The following CDH4 variants were observed in gnomAD, a reference collection of about 807,000 sequenced individuals.
CDH4 encodes cadherin-4.
In CDH4, 33 loss-of-function variants were observed where a neutral mutation model predicts 86.0. That is an observed-to-expected ratio of 0.38 (90% CI 0.29 to 0.51). CDH4 has a LOEUF of 0.51. Ranked by LOEUF, CDH4 falls within the 20% of genes least tolerant of loss-of-function variation. The pLI is 0.86. For missense variants in CDH4, 1,114 were observed against 1,307.4 expected, an observed-to-expected ratio of 0.85 and a Z score of 2.28; for synonymous variants, 555 against 549.4, an observed-to-expected ratio of 1.01 and a Z score of -0.14.
At chr20:61,870,613 A>T (rs1043997498) in intron 6 of CDH4, among the ~76,000 whole-genome samples, 19 of 152,178 alleles carry the variant, frequency 1.2e-4, no homozygotes, top group Non-Finnish European at 4.4e-5. Context: ...CAGGTTTCAC[A>T]GACGAAAATG....
intron 7 of CDH4, among the ~76,000 whole-genome samples, chr20:61,889,262 C>G (rs1428182730): frequency 6.6e-6 from 1 of 152,130 alleles, no homozygotes; most frequent in Non-Finnish European, 1.5e-5. Flanking sequence ...TGGTTGTAAT[C>G]CACCTGACAT....
intron 2 of CDH4, among the ~76,000 whole-genome samples, chr20:61,562,872 C>G (rs1313380115): frequency 6.6e-6 from 1 of 152,190 alleles, no homozygotes; most frequent in Non-Finnish European, 1.5e-5. Context: ...CTGTCCTGTC[C>G]GGGACCCCAG....
intron 2 of CDH4, among the ~76,000 whole-genome samples, chr20:61,685,541 G>A (rs1468973239): frequency 6.6e-6 from 1 of 152,216 alleles, no homozygotes; most frequent in African/African-American, 2.4e-5. Context: ...CCGCTCCTCG[G>A]CCCCACCACC....
intron 2 of CDH4, among the ~76,000 whole-genome samples, chr20:61,611,891 A>G (rs2086688166): frequency 6.6e-6 from 1 of 152,040 alleles, no homozygotes; most frequent in Non-Finnish European, 1.5e-5. Context: ...TCCTGCAGAG[A>G]GACTTGTGAC....
intron 2 of CDH4, among the ~76,000 whole-genome samples, chr20:61,350,805 G>T (rs1216204996): frequency 6.6e-6 from 1 of 152,250 alleles, no homozygotes; most frequent in Non-Finnish European, 1.5e-5. Context: ...GAAAGATGAT[G>T]CTGTGTTGGA....
intron 2 of CDH4, among the ~76,000 whole-genome samples, chr20:61,351,476 G>C (rs1028702341): frequency 6.6e-6 from 1 of 152,138 alleles, no homozygotes; most frequent in Non-Finnish European, 1.5e-5. Context: ...AGGGACAGCT[G>C]TATACTTTGG....
rs369552611 is a variant in CDH4, at chr20:61,932,848, G to A, written c.2240-137G>A. On this transcript the variant is annotated intron_variant, in intron 13 of 15. Coordinates refer to ENST00000614565, the MANE Select transcript of CDH4 (RefSeq NM_001794.5). ...AGAGACATGCGCGTGTGCAGTACAGGTGTGCATGCACACATGGGCACAGTC... is the reference window on the plus strand; with the variant it reads ...AGAGACATGCGCGTGTGCAGTACAGATGTGCATGCACACATGGGCACAGTC... The A allele has an allele frequency of 1.9e-4, 219 of 1,129,512 alleles. No homozygotes were observed. In the East Asian group the frequency reaches 5.0e-3, roughly 26 times the overall value. The allele number at this position is 1,129,512 out of a possible 1,614,324, so 70.0% of individuals were successfully genotyped here.
chr20:61,547,325 G>A lies in CDH4; in HGVS notation c.170-196238G>A, dbSNP rs560959856. ...CCTCCCGGGTTCACACCATTCTCCT[G>A]CCTCAGCCTCCCGAGTAGCTGGGAC... is the stretch of plus-strand genomic sequence containing the variant. On this transcript the variant is annotated intron_variant, in intron 2 of 15. Coordinates refer to ENST00000614565, the MANE Select transcript of CDH4 (RefSeq NM_001794.5). Among the ~76,000 whole-genome samples, 105 of 147,478 alleles carry A rather than the reference G, an allele frequency of 7.1e-4. 2 individuals carry two copies. The highest frequency in any genetic ancestry group is 1.2e-3 in the Non-Finnish European group (79 of 67,410).
intron 2 of CDH4, among the ~76,000 whole-genome samples, chr20:61,561,135 A>T (rs1013176740): frequency 6.6e-6 from 1 of 152,108 alleles, no homozygotes; most frequent in African/African-American, 2.4e-5. Flanking sequence ...ACCACCCCCA[A>T]GACCTGGGTG....
intron 2 of CDH4, among the ~76,000 whole-genome samples, chr20:61,590,312 G>A (rs897616910): frequency 1.3e-5 from 2 of 152,120 alleles, no homozygotes; most frequent in African/African-American, 4.8e-5. Flanking sequence ...TCTGATGGGA[G>A]ATTTAAATAT....
Position 61,779,433 on chromosome 20 carries a change from G to T in CDH4, c.576+6251G>T, listed in dbSNP as rs569636740. Among the ~76,000 whole-genome samples, 6 of 152,316 alleles carry T rather than the reference G, an allele frequency of 3.9e-5. No homozygotes were observed. The South Asian group carries it at 1.2e-3, about 32-fold the overall frequency. On this transcript the variant is annotated intron_variant, in intron 4 of 15. Transcript: ENST00000614565. ...GTCGCGGAGCCTGCGAGGTGCTTAG[G>T]TCGCTCGGAGGAGACACACAGGAGC...
intron 2 of CDH4, among the ~76,000 whole-genome samples, chr20:61,603,920 G>A (rs1373294247): frequency 6.6e-6 from 1 of 152,170 alleles, no homozygotes; most frequent in African/African-American, 2.4e-5. Context: ...ATGTGGGTAT[G>A]CAGTACACAC....
intron 2 of CDH4, chr20:61,599,696 G>A (rs2086583089): frequency 2.0e-6 from 1 of 496,918 alleles, no homozygotes; most frequent in Admixed American, 6.4e-5. Context: ...CGTGGTCTCT[G>A]CGTCTGGGCT....
rs3048343 is a variant in CDH4, at chr20:61,252,442, T to TCGG, written c.-49_-47dup. 133 of 646,522 alleles carry TCGG rather than the reference T, an allele frequency of 2.1e-4. No homozygotes were observed. Among genetic ancestry groups the TCGG allele is most frequent in the South Asian group, 8.1e-4 (12 of 14,800 alleles). The allele number at this position is 646,522 out of a possible 1,614,324, so 40.0% of individuals were successfully genotyped here. ...GGCGATCGGAGCGGCGGCGGTGGTC[T>TCGG]CGGCGGCGGCGGCGGCGGCGGCGGC... On this transcript the variant is annotated 5_prime_UTR_variant, in exon 1 of 16. Transcript: ENST00000614565. The surrounding 1 kb of genome is among the most constrained non-coding windows in gnomAD (Gnocchi z 4.4).
intron 2 of CDH4, among the ~76,000 whole-genome samples, chr20:61,545,394 A>T (rs1459364998): frequency 1.3e-5 from 2 of 152,190 alleles, no homozygotes; most frequent in East Asian, 1.9e-4. Flanking sequence ...GGAGTGAAGG[A>T]TGCTTTTCCT....
intron 11 of CDH4, 38 bp downstream of exon 11, chr20:61,924,514 CT>C: frequency 6.3e-7 from 1 of 1,596,678 alleles, no homozygotes. Flanking sequence ...TCTCGGTGGC[CT>C]TCCCGTGTCC....
intron 2 of CDH4, among the ~76,000 whole-genome samples, chr20:61,376,431 G>A (rs1257680050): frequency 2.0e-5 from 3 of 152,152 alleles, no homozygotes; most frequent in African/African-American, 7.2e-5. Context: ...AAGGGAGACA[G>A]CAAGACAGTT....
chr20:61,385,685 G>T (rs957506796), intron 2 of CDH4, among the ~76,000 whole-genome samples: 8 of 152,074 alleles, frequency 5.3e-5, no homozygotes, highest in African/African-American at 1.9e-4. Context: ...ATCCAGGCTG[G>T]CTGTAGCTTC....
chr20:61,462,032 C>T (rs1384000367), intron 2 of CDH4, among the ~76,000 whole-genome samples: 2 of 152,146 alleles, frequency 1.3e-5, no homozygotes, highest in South Asian at 2.1e-4. Context: ...AATTACTACA[C>T]GGCAGTAAGG....
Sources: allele counts gnomAD v4.1 joint callset (sites outside exome capture counted in the v4.1 genomes callset), GRCh38; gene constraint gnomAD v4.1.1; non-coding constraint Gnocchi (gnomAD v3.1); transcripts MANE v1.5; gene names NCBI Gene and HGNC (gene_info 2026-07-23, HGNC 2026-07-21).